ZC3H11A: variants seen among roughly 807,000 people sequenced by gnomAD.
ZC3H11A encodes the protein zinc finger CCCH-type containing 11A, also known as zinc finger CCCH domain-containing protein 11A.
Under a neutral mutation model 90.8 loss-of-function variants are expected in ZC3H11A, and 22 were observed. The ratio of observed to expected loss-of-function variants is 0.24; its 90% CI spans 0.17 to 0.35. The LOEUF is 0.35. ZC3H11A is among the 10% of genes least tolerant of loss of function. ZC3H11A has a pLI of 1.00. For missense variants in ZC3H11A, 701 were observed against 964.9 expected, an observed-to-expected ratio of 0.73 and a Z score of 3.62; for synonymous variants, 294 against 339.8, an observed-to-expected ratio of 0.87 and a Z score of 1.48.
chr1:203,798,636 A>G, intron 1 of ZC3H11A: 27 of 1,536,148 alleles, frequency 1.8e-5, no homozygotes, highest in South Asian at 4.8e-5. Context: ...AGATGAACCT[A>G]TGTTAGAGGT....
Position 203,802,863 on chromosome 1 carries a change from TGTG to T in ZC3H11A, c.-297_-295del, listed in dbSNP as rs1670969351. 6.6e-6 allele frequency: 1 copy of T among 152,562 alleles called. No individual in the cohort carries two copies. The highest frequency in any genetic ancestry group is 1.5e-5 in the Non-Finnish European group (1 of 68,020). The allele number at this position is 152,562 out of a possible 1,614,324, so 9.5% of individuals were successfully genotyped here. The stretch of plus-strand genomic sequence containing the variant: ...TTAAAAACACATGCTGTGTTTGAAT[TGTG>T]GCTGAGAGGTTTTCTTGGCAATGTG... On this transcript the variant is annotated 5_prime_UTR_variant, in exon 2 of 18. Transcript: ENST00000367210.
chr1:203,804,461 T>C (rs1671569285), intron 2 of ZC3H11A, among the ~76,000 whole-genome samples: 1 of 152,030 alleles, frequency 6.6e-6, no homozygotes, highest in Non-Finnish European at 1.5e-5. Context: ...CCTTCCTGTA[T>C]ATCTTTTTAT....
Position 203,802,004 on chromosome 1 carries a change from G to C in ZC3H11A, c.-1158G>C, listed in dbSNP as rs72745764. On this transcript the variant is annotated 5_prime_UTR_variant, in exon 2 of 18. The change abolishes an upstream ATG in the 5' untranslated region. Transcript: ENST00000367210. ...AGCCTTTCCAGGGCCACTATTTAATGGCAAACCAGTGATACTGGTGTTGAT... is the reference window on the plus strand; with the variant it reads ...AGCCTTTCCAGGGCCACTATTTAATCGCAAACCAGTGATACTGGTGTTGAT... The C allele has an allele frequency of 9.5e-3, 1,452 of 152,604 alleles. 13 individuals carry two copies. Among genetic ancestry groups the C allele is most frequent in the Non-Finnish European group, 0.016 (1,098 of 67,988 alleles). The allele number at this position is 152,604 out of a possible 1,614,324, so 9.5% of individuals were successfully genotyped here. A position where few individuals can be genotyped will look rare whatever the true frequency, so the allele number is the denominator to read the frequency against.
intron 2 of ZC3H11A, among the ~76,000 whole-genome samples, chr1:203,806,764 A>T (rs892833470): frequency 6.8e-5 from 10 of 146,650 alleles, no homozygotes; most frequent in African/African-American, 2.2e-4. Flanking sequence ...GATTATGTGC[A>T]TTTATGCTAG....
intron 3 of ZC3H11A, among the ~76,000 whole-genome samples, chr1:203,817,426 C>T (rs1192008239): frequency 6.7e-6 from 1 of 149,710 alleles, no homozygotes; most frequent in Non-Finnish European, 1.5e-5. Context: ...CCACTTTGAC[C>T]TATGCCTTAC....
intron 4 of ZC3H11A, among the ~76,000 whole-genome samples, chr1:203,827,966 T>C (rs1681103052): frequency 6.6e-6 from 1 of 152,186 alleles, no homozygotes; most frequent in South Asian, 2.1e-4. Flanking sequence ...GGCCAATAAG[T>C]AACATAATAG....
intron 1 of ZC3H11A, chr1:203,797,905 C>T (rs1669164118): frequency 6.5e-7 from 1 of 1,535,994 alleles, no homozygotes; most frequent in African/African-American, 1.4e-5. Flanking sequence ...CTACCTAGTA[C>T]TAGAGCCAAG....
intron 2 of ZC3H11A, among the ~76,000 whole-genome samples, chr1:203,807,350 A>G (rs1469156834): frequency 6.6e-6 from 1 of 152,202 alleles, no homozygotes; most frequent in Non-Finnish European, 1.5e-5. Context: ...CAGTGATGTG[A>G]TCATAGCTCA....
chr1:203,836,379 T>C (rs921317489), intron 10 of ZC3H11A, among the ~76,000 whole-genome samples: 5 of 152,204 alleles, frequency 3.3e-5, no homozygotes, highest in African/African-American at 1.2e-4. Flanking sequence ...TTGCAAACAA[T>C]GTAACTTCAG....
At chr1:203,814,661 A>G (rs1189087924) in intron 2 of ZC3H11A, among the ~76,000 whole-genome samples, 1 of 152,158 alleles carries the variant, frequency 6.6e-6, no homozygotes, top group African/African-American at 2.4e-5. Context: ...GGCCTTTTCT[A>G]TCAAGTACCT....
intron 13 of ZC3H11A, 90 bp downstream of exon 13, chr1:203,847,777 AC>A: frequency 1.3e-6 from 2 of 1,514,364 alleles, no homozygotes; most frequent in East Asian, 4.5e-5. Context: ...TTGTTTGACA[AC>A]CTTTCTTTAC....
rs1410396376 is a variant in ZC3H11A, at chr1:203,854,041, G to A, written c.*1642G>A. On this transcript the variant is annotated 3_prime_UTR_variant, in exon 18 of 18. Transcript: ENST00000367210. ...AAGCACTTGTATTAGTCAATGTTTC[G>A]TGTTCCGCATTATTTGAACCATTTG... 2 of 152,326 alleles carry A rather than the reference G, an allele frequency of 1.3e-5. No homozygotes were observed. Among genetic ancestry groups the A allele is most frequent in the African/African-American group, 2.4e-5 (1 of 41,294 alleles). 9.4% of individuals were successfully genotyped at this position (152,326 alleles called of 1,614,324 possible).
In ZC3H11A at chr1:203,798,635, T is replaced by G. The variant is rs762568030; in HGVS notation, c.-1588+2841T>G. ...TTAGTGACTCTGATTCAGATGAACC[T>G]ATGTTAGAGGTTGAAAACAGATCTG... is the stretch of plus-strand genomic sequence containing the variant. On this transcript the variant is annotated intron_variant, in intron 1 of 17. Transcript: ENST00000367210. 4 of 1,536,022 alleles carry G rather than the reference T, an allele frequency of 2.6e-6. No individual in the cohort carries two copies. In the South Asian group the frequency reaches 4.8e-5, roughly 18 times the overall value.
At chr1:203,820,466 T>TTGTGTGTGTGTG (rs144962991) in intron 4 of ZC3H11A, among the ~76,000 whole-genome samples, 2,094 of 136,440 alleles carry the variant, frequency 0.015, 61 homozygotes, top group East Asian at 0.099. Context: ...ATATCACAAA[T>TTGTGTGTGTGTG]TATGTGTGTG....
At position 203,805,758 on chromosome 1, in the gene ZC3H11A, A is replaced by G. The variant is rs1672108570; in HGVS notation, c.-146+2742A>G. On this transcript the variant is annotated intron_variant, in intron 2 of 17. Transcript: ENST00000367210. Reference sequence around the variant, plus strand: ...AGAACTCTTGGTCAGCCACAAGCTCATCACCCAGTGTATCCAACTCTGCTT... The same window carrying G: ...AGAACTCTTGGTCAGCCACAAGCTCGTCACCCAGTGTATCCAACTCTGCTT... 7.4e-6 allele frequency: 5 copies of G among 677,928 alleles called. No individual in the cohort carries two copies. The East Asian group carries it at 1.8e-4, about 24-fold the overall frequency. 42.0% of individuals were successfully genotyped at this position (677,928 alleles called of 1,614,324 possible).
intron 10 of ZC3H11A, among the ~76,000 whole-genome samples, chr1:203,835,207 A>C (rs1683896943): frequency 6.6e-6 from 1 of 152,224 alleles, no homozygotes; most frequent in Non-Finnish European, 1.5e-5. Context: ...CCCATGAATG[A>C]AATTAATATT....
chr1:203,841,888 C>T (rs868238531), intron 12 of ZC3H11A, among the ~76,000 whole-genome samples: 1 of 149,294 alleles, frequency 6.7e-6, no homozygotes, highest in Non-Finnish European at 1.5e-5. Flanking sequence ...TCAGACGGGG[C>T]GGCCGGGCAG....
At position 203,848,325 on chromosome 1, in the gene ZC3H11A, A is replaced by G; in HGVS notation, c.1547-6A>G. ...ATAACTAATGATGTCTTTAATGTGA[A>G]TACAGGGATGAAAGAAGAGAAGAAC... On this transcript the variant is annotated splice_polypyrimidine_tract_variant and splice_region_variant and intron_variant, in intron 13 of 17. Transcript: ENST00000367210. 1.9e-6 allele frequency: 3 copies of G among 1,611,160 alleles called. No homozygotes were observed. The highest frequency in any genetic ancestry group is 4.5e-5 in the East Asian group (2 of 44,772).
intron 2 of ZC3H11A, among the ~76,000 whole-genome samples, chr1:203,812,578 A>AGT (rs1674863865): frequency 1.8e-5 from 2 of 109,314 alleles, no homozygotes; most frequent in African/African-American, 7.3e-5. Flanking sequence ...GCCATTCTAA[A>AGT]TTTTTTTTTT....
Sources: gnomAD v4.1 joint callset for allele counts (sites outside exome capture counted in the v4.1 genomes callset) on GRCh38, gnomAD v4.1.1 for gene constraint, MANE v1.5 for transcripts, NCBI Gene and HGNC (gene_info 2026-07-23, HGNC 2026-07-21) for gene names.